Variants in OR1J2 observed in about 807,000 individuals in gnomAD.
OR1J2 encodes the protein olfactory receptor family 1 subfamily J member 2.
For missense variants in OR1J2, 304 were observed against 246.1 expected, an observed-to-expected ratio of 1.24 and a Z score of -1.57; for synonymous variants, 142 against 99.7, an observed-to-expected ratio of 1.42 and a Z score of -2.52.
chr9:122,543,974 C>A, the OR1J2 span, among the ~76,000 whole-genome samples: 2 of 152,124 alleles, frequency 1.3e-5, no homozygotes, highest in Non-Finnish European at 2.9e-5. Context: ...TTATCATAAT[C>A]ATAATTTTCT....
At chr9:122,448,554 G>A in the OR1J2 span, among the ~76,000 whole-genome samples, 1 of 152,110 alleles carries the variant, frequency 6.6e-6, no homozygotes, top group Non-Finnish European at 1.5e-5. Flanking sequence ...ATCCCAAGAG[G>A]CCATATCCAG....
the OR1J2 span, among the ~76,000 whole-genome samples, chr9:122,536,745 A>T: frequency 0.2 from 30,415 of 152,168 alleles, 3,492 homozygotes; most frequent in Middle Eastern, 0.3. Flanking sequence ...ATCAAGAAAG[A>T]TTAGATAGGT....
At chr9:122,576,896 A>G in the OR1J2 span, 1 of 152,166 alleles carries the variant, frequency 6.6e-6, no homozygotes, top group African/African-American at 2.4e-5. Context: ...CACTTCTCTG[A>G]TGGATCTAAA....
the OR1J2 span, chr9:122,526,445 C>A: frequency 2.6e-6 from 4 of 1,533,060 alleles, no homozygotes; most frequent in Non-Finnish European, 3.5e-6. Flanking sequence ...TAAAGGGGTT[C>A]AACATGGGAG....
the OR1J2 span, among the ~76,000 whole-genome samples, chr9:122,559,867 C>G: frequency 6.6e-5 from 10 of 152,280 alleles, no homozygotes; most frequent in South Asian, 2.1e-4. Flanking sequence ...GAGCTGAGTT[C>G]AAGTCCTGAA....
At chr9:122,551,887 T>C in the OR1J2 span, among the ~76,000 whole-genome samples, 1 of 152,252 alleles carries the variant, frequency 6.6e-6, no homozygotes, top group South Asian at 2.1e-4. Context: ...CTGGACTCAA[T>C]AGACCCCGAC....
chr9:122,505,849 T>C (rs1263202966), upstream of OR1J2, among the ~76,000 whole-genome samples: 3 of 152,152 alleles, frequency 2.0e-5, no homozygotes, highest in African/African-American at 7.2e-5. Flanking sequence ...TTTGTTTTTG[T>C]TCATTTAGTT....
chr9:122,576,432 G>A, the OR1J2 span, among the ~76,000 whole-genome samples: 20 of 148,048 alleles, frequency 1.4e-4, no homozygotes, highest in African/African-American at 4.2e-4. Context: ...ATGTGGTTTC[G>A]CTACATTGGC....
upstream of OR1J2, among the ~76,000 whole-genome samples, chr9:122,506,676 A>G (rs76170635): frequency 0.11 from 16,200 of 152,106 alleles, 979 homozygotes; most frequent in Middle Eastern, 0.16. Flanking sequence ...ATAGACGAGG[A>G]AGAAACAGAA....
chr9:122,573,310 G>T, the OR1J2 span, among the ~76,000 whole-genome samples: 1 of 152,244 alleles, frequency 6.6e-6, no homozygotes, highest in Non-Finnish European at 1.5e-5. Flanking sequence ...GCTAAACTCA[G>T]AGCTTCTTAA....
the OR1J2 span, among the ~76,000 whole-genome samples, chr9:122,535,193 T>C: frequency 6.6e-6 from 1 of 150,914 alleles, no homozygotes; most frequent in Non-Finnish European, 1.5e-5. Context: ...AAATAAAGGG[T>C]CGGGGTGCAG....
At chr9:122,503,799 A>G in the OR1J2 span, among the ~76,000 whole-genome samples, 1 of 152,208 alleles carries the variant, frequency 6.6e-6, no homozygotes, top group African/African-American at 2.4e-5. Context: ...CATTTACACA[A>G]GATATGACCA....
the OR1J2 span, among the ~76,000 whole-genome samples, chr9:122,481,062 G>A: frequency 2.6e-5 from 4 of 152,092 alleles, no homozygotes; most frequent in Admixed American, 2.6e-4. Context: ...CCAAAATGCT[G>A]GGATTACAGG....
chr9:122,458,939 A>G, the OR1J2 span, among the ~76,000 whole-genome samples: 5 of 147,240 alleles, frequency 3.4e-5, no homozygotes, highest in African/African-American at 1.0e-4. Context: ...TTTCATTCTT[A>G]TTTCTAACCA....
chr9:122,508,735 T>C (rs1254172269), upstream of OR1J2, among the ~76,000 whole-genome samples: 2 of 152,186 alleles, frequency 1.3e-5, no homozygotes, highest in African/African-American at 4.8e-5. Context: ...ATACCTGAAG[T>C]CTTTCCAGTG....
At chr9:122,576,251 T>A in the OR1J2 span, among the ~76,000 whole-genome samples, 6 of 152,124 alleles carry the variant, frequency 3.9e-5, no homozygotes, top group African/African-American at 1.4e-4. Flanking sequence ...AGACAGAGTC[T>A]TGCTCTGTCA....
At chr9:122,464,350 G>A in the OR1J2 span, among the ~76,000 whole-genome samples, 208 of 152,304 alleles carry the variant, frequency 1.4e-3, 1 homozygote, top group Non-Finnish European at 2.3e-3. Flanking sequence ...CTAGGTAGCC[G>A]GTGAGCAGGG....
At chr9:122,493,378 G>C in the OR1J2 span, among the ~76,000 whole-genome samples, 1 of 152,016 alleles carries the variant, frequency 6.6e-6, no homozygotes, top group Admixed American at 6.6e-5. Context: ...TTTCAAGCTT[G>C]CTACTTGTTA....
At chr9:122,519,345 A>T in the OR1J2 span, 1 of 1,614,078 alleles carries the variant, frequency 6.2e-7, no homozygotes, top group Non-Finnish European at 8.5e-7. Flanking sequence ...CTTGGCTCTC[A>T]CTGACATCTC....
Sources: gnomAD v4.1 joint callset for allele counts (sites outside exome capture counted in the v4.1 genomes callset) on GRCh38, gnomAD v4.1.1 for gene constraint, MANE v1.5 for transcripts, NCBI Gene and HGNC (gene_info 2026-07-23, HGNC 2026-07-21) for gene names.